MYOM3: variants seen among roughly 807,000 people sequenced by gnomAD.
MYOM3 encodes the protein myomesin 3, also known as myomesin-3.
MYOM3 carries 155 observed loss-of-function variants against 191.7 expected under a neutral mutation model. The ratio of observed to expected loss-of-function variants is 0.81; its 90% CI spans 0.71 to 0.92. MYOM3 has a LOEUF of 0.92. Ranked by LOEUF, MYOM3 falls within the 40% of genes least tolerant of loss-of-function variation. MYOM3 has a pLI of 0.00. For missense variants in MYOM3, 1,889 were observed against 1,890.6 expected, an observed-to-expected ratio of 1.00 and a Z score of 0.02; for synonymous variants, 757 against 762.9, an observed-to-expected ratio of 0.99 and a Z score of 0.13.
At chr1:24,097,552 G>A (rs1258807316) in intron 7 of MYOM3, among the ~76,000 whole-genome samples, 1 of 152,206 alleles carries the variant, frequency 6.6e-6, no homozygotes, top group Non-Finnish European at 1.5e-5. Context: ...CTGAGTTCAA[G>A]TCCCAGCCCT....
At chr1:24,067,341 T>C (rs202156675) in intron 27 of MYOM3, among the ~76,000 whole-genome samples, 2,483 of 76,664 alleles carry the variant, frequency 0.032, 238 homozygotes, top group African/African-American at 0.087. Flanking sequence ...TCTTTCTTTC[T>C]TTCTTTCTTT....
chr1:24,062,089 C>T lies in MYOM3; in HGVS notation c.3791G>A (p.Gly1264Asp), dbSNP rs746381720. 5 of 1,614,138 alleles carry T rather than the reference C, an allele frequency of 3.1e-6. No homozygotes were observed. In the South Asian group the frequency reaches 4.4e-5, roughly 14 times the overall value. ...GGTGGTGCCCGTCCTTATCCGATCA[C>T]CACTCTCCAGACGTTTGTCTCTGAA... is the stretch of plus-strand genomic sequence containing the variant. ...WFHKDKRLES[G>D]DRIRTGTTLD... The change falls in exon 33 of 37, where the codon GGT (glycine) becomes GAT (aspartate). Residue 1264 changes from glycine (G) to aspartate (D), a missense_variant. Physicochemically the swap from Gly to Asp is moderately conservative, Grantham distance 94. Transcript: ENST00000374434.
At position 24,097,926 on chromosome 1, in the gene MYOM3, G is replaced by A. The variant is rs201135147; in HGVS notation, c.742C>T (p.Arg248Cys). The A allele has an allele frequency of 1.9e-4, 312 of 1,610,684 alleles. No individual in the cohort carries two copies. Among genetic ancestry groups the A allele is most frequent in the Non-Finnish European group, 2.5e-4 (291 of 1,176,976 alleles). ...QASSFAKVLV[R>C]TYLGKDAGFD... ...TGTTGGGGTTGGGAGGACTTACTGC[G>A]GACGAGGACTTTGGCGAAGGAGGAG... The change falls in exon 7 of 37, where the codon CGC becomes TGC. Residue 248 changes from arginine (R) to cysteine (C), a missense_variant. Transcript: ENST00000374434.
chr1:24,092,624 C>T (rs1255167792), intron 10 of MYOM3, among the ~76,000 whole-genome samples: 1 of 152,068 alleles, frequency 6.6e-6, no homozygotes, highest in Non-Finnish European at 1.5e-5. Context: ...AGTGAGTGAC[C>T]TGCCCAAAGT....
At chr1:24,074,399 AAGCACAGGC>A in intron 22 of MYOM3, 130 bp from the exon 23 acceptor site, 1 of 643,032 alleles carries the variant, frequency 1.6e-6, no homozygotes. Context: ...CCAAGTCAGG[AAGCACAGGC>A]AGCTGCCTCC....
Position 24,086,750 on chromosome 1 carries a change from G to C in MYOM3, c.1692C>G (p.Asp564Glu), listed in dbSNP as rs1483929371. The C allele has an allele frequency of 3.1e-6, 5 of 1,614,066 alleles. No individual in the cohort carries two copies. The highest frequency in any genetic ancestry group is 4.2e-6 in the Non-Finnish European group (5 of 1,180,038). The change falls in exon 15 of 37, where the codon GAC becomes GAG. Residue 564 changes from aspartate (D) to glutamate (E), a missense_variant. Asp to Glu is a conservative substitution (Grantham distance 45). Transcript: ENST00000374434. ...PVRSPRFAVLDLEKKKSYVFR... is the reference protein window; with the variant it reads ...PVRSPRFAVLELEKKKSYVFR... The stretch of plus-strand genomic sequence containing the variant: ...AGACATACGACTTCTTTTTCTCCAG[G>C]TCCAGAACGGCGAATCTCGGGGATC...
intron 25 of MYOM3, 61 bp downstream of exon 25, chr1:24,071,056 C>A (rs1643524821): frequency 1.9e-6 from 3 of 1,580,382 alleles, no homozygotes; most frequent in Non-Finnish European, 1.7e-6. Flanking sequence ...GAATCACCAT[C>A]CCGCGAGGCC....
chr1:24,108,144 A>G (rs183483439), intron 2 of MYOM3, 71 bp from the exon 3 acceptor site: 2 of 1,423,728 alleles, frequency 1.4e-6, no homozygotes, highest in Non-Finnish European at 9.8e-7. Context: ...TTAGGGCTGC[A>G]TCTGCCCACC....
intron 27 of MYOM3, among the ~76,000 whole-genome samples, chr1:24,067,387 TTTCCTTCCTTCCTTCCTTCC>T (rs55795415): frequency 0.029 from 1,826 of 62,990 alleles, 92 homozygotes; most frequent in East Asian, 0.099. Context: ...TTTCTTTCTT[TTTCCTTCCTTCCTTCCTTCC>T]TTCCTTCCTT....
In MYOM3 at chr1:24,094,973, T is replaced by A; in HGVS notation, c.808A>T (p.Ser270Cys). The stretch of plus-strand genomic sequence containing the variant: ...TTCAGCACCGAGGTGAATTCCACGC[T>A]GGGGCCAAACGTCGATCCTGGCGTG... The part of the protein sequence containing the change: ...EIFKRSTFGP[S>C]VEFTSVLKPV... The change falls in exon 9 of 37, where the codon AGC becomes TGC. Residue 270 changes from serine to cysteine, a missense_variant. Transcript: ENST00000374434. 1 of 1,613,334 alleles carries A rather than the reference T, an allele frequency of 6.2e-7. No homozygotes were observed. The highest frequency in any genetic ancestry group is 8.5e-7 in the Non-Finnish European group (1 of 1,179,766).
At chr1:24,066,080 G>A in intron 28 of MYOM3, 79 bp from the exon 29 acceptor site, 1 of 898,560 alleles carries the variant, frequency 1.1e-6, no homozygotes, top group Non-Finnish European at 1.9e-6. Flanking sequence ...ACACTTTCAG[G>A]CATCTCAGTG....
rs186103875 is a variant in MYOM3 at position 24,092,716 on chromosome 1, G to A, written c.1090+231C>T. Among the ~76,000 whole-genome samples, 33 of 152,246 alleles carry A rather than the reference G, an allele frequency of 2.2e-4. No individual in the cohort carries two copies. The East Asian group carries it at 3.7e-3, about 17-fold the overall frequency. On this transcript the variant is annotated intron_variant, in intron 10 of 36. Coordinates refer to ENST00000374434, the MANE Select transcript of MYOM3 (RefSeq NM_152372.4). ...CAGAATCACTCCAGCCCCACACTCAGCTCCCAGCCTCCCTGGCTCCAGCCA... is the reference window on the plus strand; with the variant it reads ...CAGAATCACTCCAGCCCCACACTCAACTCCCAGCCTCCCTGGCTCCAGCCA...
At chr1:24,080,488 A>C (rs2148550537) in intron 19 of MYOM3, among the ~76,000 whole-genome samples, 1 of 152,120 alleles carries the variant, frequency 6.6e-6, no homozygotes, top group East Asian at 1.9e-4. Context: ...AATCCTTCTA[A>C]AGTGCTTCAG....
intron 21 of MYOM3, among the ~76,000 whole-genome samples, chr1:24,075,859 T>A (rs1199223450): frequency 8.5e-5 from 13 of 152,230 alleles, no homozygotes; most frequent in Admixed American, 8.5e-4. Context: ...AATGTGCGCA[T>A]CACCAAATAT....
At chr1:24,097,412 C>T (rs1162924305) in intron 7 of MYOM3, among the ~76,000 whole-genome samples, 1 of 152,208 alleles carries the variant, frequency 6.6e-6, no homozygotes, top group African/African-American at 2.4e-5. Flanking sequence ...AGTCTGTTTT[C>T]CATTTGCCAA....
intron 5 of MYOM3, among the ~76,000 whole-genome samples, chr1:24,100,619 G>C (rs138848032): frequency 6.6e-6 from 1 of 152,234 alleles, no homozygotes; most frequent in Non-Finnish European, 1.5e-5. Flanking sequence ...GGGCACGGTG[G>C]CTCACGCCTG....
In MYOM3 at chr1:24,086,732, C is replaced by A. The variant is rs200272032; in HGVS notation, c.1710G>T (p.Ser570=). The A allele has an allele frequency of 1.2e-6, 2 of 1,614,166 alleles. No individual in the cohort carries two copies. The highest frequency in any genetic ancestry group is 1.7e-6 in the Non-Finnish European group (2 of 1,180,020). The change falls in exon 15 of 37, where the codon TCG becomes TCT. Residue 570 remains serine (S), a synonymous_variant. Transcript: ENST00000374434. ...TCATTGCTCGCACTCTGAAGACATA[C>A]GACTTCTTTTTCTCCAGGTCCAGAA... ...FAVLDLEKKK[S]YVFRVRAMNQ...
rs193070428 is a variant in MYOM3 at position 24,057,221 on chromosome 1, C to T, written c.*143G>A. 1,108 of 827,376 alleles carry T rather than the reference C, an allele frequency of 1.3e-3. 2 individuals are homozygous for T. The highest frequency in any genetic ancestry group is 1.9e-3 in the Non-Finnish European group (1,012 of 541,576). The allele number at this position is 827,376 out of a possible 1,614,324, so 51.3% of individuals were successfully genotyped here. ...TCTCCACTTTGGTGCATCCGCTCCACCCCCACCCTCACATCCTGGGTTCTA... is the reference window on the plus strand; with the variant it reads ...TCTCCACTTTGGTGCATCCGCTCCATCCCCACCCTCACATCCTGGGTTCTA... On this transcript the variant is annotated 3_prime_UTR_variant, in exon 37 of 37. Coordinates refer to ENST00000374434, the MANE Select transcript of MYOM3 (RefSeq NM_152372.4).
rs1643810440 is a variant in MYOM3, at chr1:24,090,856, G to A, written c.1373C>T (p.Pro458Leu). 4 of 1,614,132 alleles carry A rather than the reference G, an allele frequency of 2.5e-6. No individual in the cohort carries two copies. Among genetic ancestry groups the A allele is most frequent in the Non-Finnish European group, 3.4e-6 (4 of 1,180,016 alleles). ...GACAACCAACTCTGAGGCCTTGGAG[G>A]GGACGCTGCTGCCTACCCTGCTGAT... ...RAISRVGSSV[P>L]SKASELVVMG... The change falls in exon 12 of 37, where the codon CCC (proline) becomes CTC (leucine). Residue 458 changes from proline to leucine, a missense_variant. By Grantham distance (98) the Pro-to-Leu change is moderately conservative. Coordinates refer to ENST00000374434, the MANE Select transcript of MYOM3 (RefSeq NM_152372.4).
Sources: gnomAD v4.1 joint callset for allele counts (sites outside exome capture counted in the v4.1 genomes callset) on GRCh38, gnomAD v4.1.1 for gene constraint, MANE v1.5 for transcripts, NCBI Gene and HGNC (gene_info 2026-07-23, HGNC 2026-07-21) for gene names.